The following OR51B5 variants were observed in gnomAD, a reference collection of about 807,000 sequenced individuals.
The protein encoded by OR51B5 is olfactory receptor 51B5.
For synonymous variants in OR51B5, 186 were observed against 144.8 expected (o/e 1.28, Z -2.04); for missense variants, 456 against 374.6 (o/e 1.22, Z -1.79).
At chr11:5,441,114 T>TATCC (rs764544204) in intron 1 of OR51B5, 2 of 1,613,914 alleles carry the variant, frequency 1.2e-6, no homozygotes, top group Non-Finnish European at 1.7e-6. Flanking sequence ...CACAGTGACA[T>TATCC]AGCGTAATGG....
At chr11:5,422,637 C>A (rs10838092) in intron 1 of OR51B5, 1 of 1,612,890 alleles carries the variant, frequency 6.2e-7, no homozygotes. Context: ...ATTGGTAGAA[C>A]TGGGTTAGCC....
chr11:5,415,879 C>T (rs1463477550), intron 1 of OR51B5, among the ~76,000 whole-genome samples: 1 of 150,980 alleles, frequency 6.6e-6, no homozygotes, highest in East Asian at 2.0e-4. Context: ...CCTTCTGAAA[C>T]TATTCCAATC....
chr11:5,443,929 C>T (rs1006129222), intron 1 of OR51B5, among the ~76,000 whole-genome samples: 3 of 152,072 alleles, frequency 2.0e-5, no homozygotes, highest in Non-Finnish European at 2.9e-5. Flanking sequence ...CTTATACTTA[C>T]ACACCCGGTA....
chr11:5,448,325 A>G (rs1850799618), intron 1 of OR51B5, among the ~76,000 whole-genome samples: 4 of 152,202 alleles, frequency 2.6e-5, no homozygotes, highest in Admixed American at 1.3e-4. Flanking sequence ...GTAGATGTTA[A>G]TCTAAATGAA....
chr11:5,424,372 CA>C (rs926075824), intron 1 of OR51B5, among the ~76,000 whole-genome samples: 5 of 140,934 alleles, frequency 3.5e-5, no homozygotes, highest in African/African-American at 1.2e-4. Context: ...AACAAACAAA[CA>C]AAAAAACACC....
At chr11:5,453,840 A>G (rs1251558269) in intron 1 of OR51B5, 18 of 1,614,186 alleles carry the variant, frequency 1.1e-5, no homozygotes, top group South Asian at 2.2e-5. Flanking sequence ...TCTGCTGGCC[A>G]TGAGTTTTGA....
intron 1 of OR51B5, among the ~76,000 whole-genome samples, chr11:5,377,971 A>C (rs1849553205): frequency 7.2e-5 from 11 of 152,304 alleles, no homozygotes; most frequent in Middle Eastern, 3.4e-3. Context: ...TTTAAAGTTC[A>C]TATGGAACCA....
chr11:5,374,700 A>C (rs1849496677), intron 1 of OR51B5, among the ~76,000 whole-genome samples: 1 of 152,344 alleles, frequency 6.6e-6, no homozygotes, highest in East Asian at 1.9e-4. Context: ...AAGCCTCAGG[A>C]GCTGATGCGA....
intron 1 of OR51B5, among the ~76,000 whole-genome samples, chr11:5,484,271 T>A (rs1269412208): frequency 6.6e-6 from 1 of 152,162 alleles, no homozygotes; most frequent in Non-Finnish European, 1.5e-5. Context: ...ATTGTGAACC[T>A]AAATGATACT....
In OR51B5 at chr11:5,389,956, C is replaced by T. The variant is rs772227369; in HGVS notation, n.85-43046G>A. The stretch of plus-strand genomic sequence containing the variant: ...TTCCCTACTGTGGATCTGTGGTCCT[C>T]TCCCACTCATTTTGCCTGCACCAGG... On this transcript the variant is annotated intron_variant and non_coding_transcript_variant, in intron 1 of 4. Coordinates refer to the OR51B5 transcript ENST00000415970. 7 of 1,611,616 alleles carry T rather than the reference C, an allele frequency of 4.3e-6. No individual in the cohort carries two copies. The South Asian group carries it at 7.7e-5, about 18-fold the overall frequency.
chr11:5,414,839 C>T (rs1252789474), intron 1 of OR51B5, among the ~76,000 whole-genome samples: 1 of 152,140 alleles, frequency 6.6e-6, no homozygotes, highest in African/African-American at 2.4e-5. Context: ...GACTTTAACA[C>T]CCCACTGTCA....
In OR51B5 at chr11:5,342,802, GGAGACACAGGTAATGA is replaced by G. The variant is rs1183309268; in HGVS notation, c.707_722del (p.Leu236ProfsTer13). 1 of 1,613,434 alleles carries G rather than the reference GGAGACACAGGTAATGA, an allele frequency of 6.2e-7. No individual in the cohort carries two copies. The highest frequency in any genetic ancestry group is 2.2e-5 in the East Asian group (1 of 44,866). ...AAAAAACCAGGACACAGCAGATATG[GGAGACACAGGTAATGA>G]GAGCCTTGGCCCTCTCCTCTCTGGA... On this transcript the variant is annotated frameshift_variant, in exon 1 of 1. Transcript: ENST00000300773. LOFTEE classifies it low-confidence loss of function (END_TRUNC).
intron 1 of OR51B5, among the ~76,000 whole-genome samples, chr11:5,361,240 G>A (rs116089794): frequency 3.0e-4 from 45 of 152,222 alleles, no homozygotes; most frequent in African/African-American, 1.1e-3. Context: ...CTTATTTCTG[G>A]AGATGTGGCT....
At chr11:5,402,998 G>A in intron 1 of OR51B5, 2 of 471,452 alleles carry the variant, frequency 4.2e-6, no homozygotes, top group South Asian at 3.1e-5. Context: ...AGCCCACTGA[G>A]CTACACAGCT....
intron 1 of OR51B5, among the ~76,000 whole-genome samples, chr11:5,469,847 C>T (rs1590015757): frequency 6.6e-6 from 1 of 152,106 alleles, no homozygotes; most frequent in East Asian, 1.9e-4. Flanking sequence ...TTCCCACCCA[C>T]TGATTGATTC....
At chr11:5,356,351 C>G (rs184007131) in intron 1 of OR51B5, among the ~76,000 whole-genome samples, 1 of 151,626 alleles carries the variant, frequency 6.6e-6, no homozygotes, top group Non-Finnish European at 1.5e-5. Context: ...GTAGCTGATT[C>G]GATCAACTGG....
intron 1 of OR51B5, among the ~76,000 whole-genome samples, chr11:5,500,599 C>G (rs576134018): frequency 1.4e-5 from 2 of 147,958 alleles, no homozygotes; most frequent in Non-Finnish European, 3.0e-5. Context: ...AATTAAGCCG[C>G]TTCGACGAGG....
At chr11:5,398,216 G>T (rs979663370) in intron 1 of OR51B5, among the ~76,000 whole-genome samples, 20 of 152,002 alleles carry the variant, frequency 1.3e-4, no homozygotes, top group African/African-American at 4.6e-4. Context: ...AAATAAGTTA[G>T]AAAAAAGAAA....
intron 1 of OR51B5, chr11:5,393,017 A>G (rs1162766051): frequency 6.6e-6 from 1 of 152,258 alleles, no homozygotes; most frequent in East Asian, 1.9e-4. Context: ...TTTGCCTTTT[A>G]TAAAAAACAA....
Sources: gnomAD v4.1 joint callset for allele counts (sites outside exome capture counted in the v4.1 genomes callset) on GRCh38, gnomAD v4.1.1 for gene constraint, MANE v1.5 for transcripts, NCBI Gene and HGNC (gene_info 2026-07-23, HGNC 2026-07-21) for gene names.